MAST2: variants seen among roughly 807,000 people sequenced by gnomAD.
The protein encoded by MAST2 is microtubule associated serine/threonine kinase 2, also known as microtubule-associated serine/threonine-protein kinase 2.
Under a neutral mutation model 147.4 loss-of-function variants are expected in MAST2, and 70 were observed. The observed-to-expected ratio is 0.47, with a 90% CI of 0.39 to 0.58. The LOEUF is 0.58. Ranked by LOEUF, MAST2 falls within the 20% of genes least tolerant of loss-of-function variation. The pLI is 0.00. For missense variants in MAST2, 2,080 were observed against 2,302.3 expected, an observed-to-expected ratio of 0.90 and a Z score of 1.98; for synonymous variants, 869 against 896.8, an observed-to-expected ratio of 0.97 and a Z score of 0.55.
intron 7 of MAST2, among the ~76,000 whole-genome samples, chr1:46,004,633 T>C (rs937721636): frequency 7.2e-5 from 11 of 152,242 alleles, no homozygotes; most frequent in African/African-American, 2.7e-4. Context: ...TGGAGACATC[T>C]CACTCGCTGT....
intron 3 of MAST2, among the ~76,000 whole-genome samples, chr1:45,857,157 GTCAGGGATT>G (rs1645817068): frequency 6.6e-6 from 1 of 152,026 alleles, no homozygotes; most frequent in Non-Finnish European, 1.5e-5. Flanking sequence ...GCTTTAAGAG[GTCAGGGATT>G]TTTATCTATT....
At chr1:45,985,859 G>A (rs1644592956) in intron 5 of MAST2, among the ~76,000 whole-genome samples, 1 of 152,162 alleles carries the variant, frequency 6.6e-6, no homozygotes, top group South Asian at 2.1e-4. Context: ...ATATTTTTAT[G>A]CAATTATAAG....
At chr1:45,932,919 T>G (rs1173063686) in intron 4 of MAST2, among the ~76,000 whole-genome samples, 1 of 152,008 alleles carries the variant, frequency 6.6e-6, no homozygotes, top group Non-Finnish European at 1.5e-5. Flanking sequence ...GCCCTTGAGC[T>G]TTTTCTCTAG....
intron 17 of MAST2, 52 bp from the exon 18 acceptor site, chr1:46,028,716 T>G (rs1001066805): frequency 5.6e-6 from 9 of 1,599,866 alleles, no homozygotes; most frequent in Middle Eastern, 1.8e-4. Flanking sequence ...CCGGCTGTCA[T>G]GCCAGTCAGC....
chr1:45,853,150 G>A (rs1032286833), intron 3 of MAST2, among the ~76,000 whole-genome samples: 2 of 151,792 alleles, frequency 1.3e-5, no homozygotes, highest in Non-Finnish European at 1.5e-5. Context: ...GGCTGGTCTC[G>A]AACTCCTGAG....
chr1:46,021,901 G>A (rs1254136985), intron 11 of MAST2, 49 bp from the exon 12 acceptor site: 1 of 1,603,422 alleles, frequency 6.2e-7, no homozygotes, highest in Non-Finnish European at 8.5e-7. Flanking sequence ...GATGCCAGCA[G>A]CTTTCGCTTA....
intron 3 of MAST2, among the ~76,000 whole-genome samples, chr1:45,864,596 G>A (rs1646083708): frequency 2.0e-5 from 3 of 152,126 alleles, no homozygotes; most frequent in Admixed American, 2.0e-4. Flanking sequence ...AGAATCGTAT[G>A]TTTTTCTTTG....
At chr1:45,955,441 AGTT>A in intron 4 of MAST2, among the ~76,000 whole-genome samples, 1 of 152,286 alleles carries the variant, frequency 6.6e-6, no homozygotes, top group South Asian at 2.1e-4. Context: ...TTCCACCCAT[AGTT>A]GGTTGAATCC....
intron 3 of MAST2, among the ~76,000 whole-genome samples, chr1:45,880,334 G>A (rs1433293897): frequency 2.0e-5 from 3 of 152,192 alleles, no homozygotes; most frequent in Non-Finnish European, 4.4e-5. Context: ...TTCATATGAA[G>A]TTTTGAGGAA....
chr1:45,901,591 G>T (rs187163667), intron 4 of MAST2, among the ~76,000 whole-genome samples: 7 of 152,172 alleles, frequency 4.6e-5, no homozygotes, highest in Admixed American at 3.9e-4. Flanking sequence ...TCATTTTCAC[G>T]ATATTGATTC....
intron 5 of MAST2, among the ~76,000 whole-genome samples, chr1:45,976,855 TACCCTTA>T (rs1431707055): frequency 6.6e-6 from 1 of 152,238 alleles, no homozygotes; most frequent in Non-Finnish European, 1.5e-5. Flanking sequence ...CATGTGTTGA[TACCCTTA>T]ACTTAGATAA....
intron 4 of MAST2, among the ~76,000 whole-genome samples, chr1:45,927,179 A>G (rs949544768): frequency 6.6e-6 from 1 of 152,200 alleles, no homozygotes; most frequent in Non-Finnish European, 1.5e-5. Context: ...GGGTAATAGA[A>G]TATCACAAGG....
At chr1:45,894,275 T>G (rs1308296349) in intron 4 of MAST2, among the ~76,000 whole-genome samples, 1 of 152,126 alleles carries the variant, frequency 6.6e-6, no homozygotes, top group Non-Finnish European at 1.5e-5. Flanking sequence ...ACACGTAGGA[T>G]CTGATTTGGG....
Position 45,955,106 on chromosome 1 carries a change from A to G in MAST2, c.501-4280A>G, listed in dbSNP as rs571625082. Among the ~76,000 whole-genome samples, 107 of 141,370 alleles carry G rather than the reference A, an allele frequency of 7.6e-4. 1 individual carries two copies. Among genetic ancestry groups the G allele is most frequent in the African/African-American group, 2.6e-3 (104 of 39,294 alleles). 92.7% of individuals were successfully genotyped at this position (141,370 alleles called of 152,430 possible). On this transcript the variant is annotated intron_variant, in intron 4 of 28. Coordinates refer to ENST00000361297, the MANE Select transcript of MAST2 (RefSeq NM_015112.3). ...TAGGTATTGAGGAGTGCAGCAGTACACAAAGCATACAAAAGCCCCTGCCCT... is the reference window on the plus strand; with the variant it reads ...TAGGTATTGAGGAGTGCAGCAGTACGCAAAGCATACAAAAGCCCCTGCCCT...
intron 10 of MAST2, among the ~76,000 whole-genome samples, chr1:46,016,788 T>C (rs1645965692): frequency 6.6e-6 from 1 of 152,222 alleles, no homozygotes; most frequent in South Asian, 2.1e-4. Flanking sequence ...CCCATCAAGC[T>C]ACCAATGACT....
chr1:45,821,598 C>T (rs1354748777), intron 1 of MAST2, among the ~76,000 whole-genome samples: 1 of 143,048 alleles, frequency 7.0e-6, no homozygotes, highest in Admixed American at 7.5e-5. Flanking sequence ...TGGCTCGCTG[C>T]AACCTCTGCC....
At chr1:45,813,857 G>A (rs1027736080) in intron 1 of MAST2, among the ~76,000 whole-genome samples, 1 of 151,984 alleles carries the variant, frequency 6.6e-6, no homozygotes, top group Non-Finnish European at 1.5e-5. Context: ...TTGCTATGTT[G>A]CCCAGGCTGG....
intron 4 of MAST2, among the ~76,000 whole-genome samples, chr1:45,890,436 G>A (rs1647556645): frequency 6.6e-6 from 1 of 152,222 alleles, no homozygotes. Flanking sequence ...CCTTCTTGCT[G>A]TGTGCTCACA....
intron 4 of MAST2, among the ~76,000 whole-genome samples, chr1:45,905,294 T>C (rs1329932229): frequency 2.7e-5 from 4 of 150,906 alleles, no homozygotes; most frequent in Admixed American, 6.6e-5. Context: ...AAGTGATTCC[T>C]CTGCCTCAGT....
Sources: allele counts gnomAD v4.1 joint callset (sites outside exome capture counted in the v4.1 genomes callset), GRCh38; gene constraint gnomAD v4.1.1; transcripts MANE v1.5; gene names NCBI Gene and HGNC (gene_info 2026-07-23, HGNC 2026-07-21).